Variants in FLYWCH1 observed in about 807,000 individuals in gnomAD.
FLYWCH1 encodes FLYWCH-type zinc finger 1.
In FLYWCH1, 75 loss-of-function variants were observed where a neutral mutation model predicts 66.4. The ratio of observed to expected loss-of-function variants is 1.13; its 90% CI spans 0.94 to 1.37. FLYWCH1 has a LOEUF of 1.37. Among genes scored for constraint, FLYWCH1 ranks in the 40% most tolerant of loss-of-function variants. The probability of loss-of-function intolerance (pLI) is 0.00; values close to 1 mark genes in which losing one functional copy is unlikely to be tolerated. For synonymous variants in FLYWCH1, 595 were observed against 429.9 expected, an observed-to-expected ratio of 1.38 and a Z score of -4.75; for missense variants, 1,334 against 1,001.8, an observed-to-expected ratio of 1.33 and a Z score of -4.48.
chr16:2,915,892 G>T (rs2070152713), intron 2 of FLYWCH1, among the ~76,000 whole-genome samples: 1 of 152,050 alleles, frequency 6.6e-6, no homozygotes, highest in African/African-American at 2.4e-5. Context: ...GGCAAAACTG[G>T]CCTCTTCTAC....
At chr16:2,938,114 A>T in intron 7 of FLYWCH1, 70 bp from the exon 8 acceptor site, 1 of 1,462,022 alleles carries the variant, frequency 6.8e-7, no homozygotes, top group South Asian at 1.3e-5. Context: ...GCTGGGGGAT[A>T]CAAATCAGAC....
chr16:2,933,221 C>G lies in FLYWCH1; in HGVS notation c.888C>G (p.Val296=). Residue 296 remains valine, a synonymous_variant, in exon 5 of 10, where the codon GTC becomes GTG. Coordinates refer to ENST00000253928, the MANE Select transcript of FLYWCH1 (RefSeq NM_001308068.2). ...TCCTCTACAAGCGGGAGAAGGCTGT[C>G]GGGGACAAGGTGTATTGGACCTGCC... is the stretch of plus-strand genomic sequence containing the variant. ...ESFLYKREKA[V]GDKVYWTCRD... 6.2e-7 allele frequency: 1 copy of G among 1,613,362 alleles called. No individual in the cohort carries two copies. Among genetic ancestry groups the G allele is most frequent in the Non-Finnish European group, 8.5e-7 (1 of 1,179,732 alleles).
chr16:2,935,906 G>A (rs888241327), intron 6 of FLYWCH1: 16 of 154,002 alleles, frequency 1.0e-4, no homozygotes, highest in Non-Finnish European at 1.9e-4. Flanking sequence ...CCTCCCAGAT[G>A]AGGGCGTCTT....
intron 4 of FLYWCH1, among the ~76,000 whole-genome samples, chr16:2,931,402 T>C (rs1252846246): frequency 2.0e-5 from 3 of 150,228 alleles, no homozygotes; most frequent in African/African-American, 7.4e-5. Context: ...GGCAGGAGGA[T>C]CACTTGAGCC....
chr16:2,933,690 C>A (rs759378587), intron 5 of FLYWCH1, 26 bp from the exon 6 acceptor site: 1 of 1,602,196 alleles, frequency 6.2e-7, no homozygotes, highest in African/African-American at 1.3e-5. Flanking sequence ...TGTCCCCTCC[C>A]CTGACTGCCT....
intron 2 of FLYWCH1, among the ~76,000 whole-genome samples, chr16:2,918,874 T>C (rs2070268598): frequency 6.6e-6 from 1 of 152,192 alleles, no homozygotes; most frequent in Non-Finnish European, 1.5e-5. Flanking sequence ...CCAAGTAATA[T>C]TTTGGTCTTT....
chr16:2,943,112 T>A (rs1397795120), intron 9 of FLYWCH1, among the ~76,000 whole-genome samples: 3 of 152,154 alleles, frequency 2.0e-5, no homozygotes, highest in Non-Finnish European at 2.9e-5. Context: ...GCTGAACACT[T>A]GCTTTTCTTC....
In FLYWCH1 at chr16:2,929,916, C is replaced by T; in HGVS notation, c.231C>T (p.Ala77=). The T allele has an allele frequency of 6.2e-7, 1 of 1,613,734 alleles. No homozygotes were observed. Among genetic ancestry groups the T allele is most frequent in the Non-Finnish European group, 8.5e-7 (1 of 1,179,872 alleles). ...SLEMAGPATL[A]STLQILPVEE... is the part of the protein sequence containing the mutation. ...AGATGGCTGGCCCCGCCACCCTCGC[C>T]AGCACCTTGCAGATCCTGCCAGTTG... The change falls in exon 3 of 10, where the codon GCC becomes GCT. Residue 77 remains alanine, a synonymous_variant. Transcript: ENST00000253928.
chr16:2,925,390 C>T (rs1181721542), intron 2 of FLYWCH1, among the ~76,000 whole-genome samples: 1 of 152,082 alleles, frequency 6.6e-6, no homozygotes, highest in South Asian at 2.1e-4. Flanking sequence ...CTGCCCTCAT[C>T]CTCATCCTTC....
chr16:2,931,333 C>T (rs914395849), intron 4 of FLYWCH1, among the ~76,000 whole-genome samples: 3 of 129,646 alleles, frequency 2.3e-5, no homozygotes, highest in Non-Finnish European at 5.0e-5. Context: ...AAAAAAAATA[C>T]ATAAATGTGG....
rs983696380 is a variant in FLYWCH1, at chr16:2,937,771, C to T, written c.1777+387C>T. ...ACGGGGTTCTCTCTGGCCACCCCAA[C>T]ATCATGTGACCTTTTAGTTCAGCTT... On this transcript the variant is annotated intron_variant, in intron 7 of 9. Coordinates refer to ENST00000253928, the MANE Select transcript of FLYWCH1 (RefSeq NM_001308068.2). Among the ~76,000 whole-genome samples the T allele has an allele frequency of 5.3e-5, 8 of 152,162 alleles. No individual in the cohort carries two copies. The East Asian group carries it at 9.6e-4, about 18-fold the overall frequency.
chr16:2,945,869 T>C (rs139323650), intron 9 of FLYWCH1, among the ~76,000 whole-genome samples: 4,709 of 151,838 alleles, frequency 0.031, 87 homozygotes, highest in Non-Finnish European at 0.038. Context: ...TGGTGGCAGG[T>C]GCCTGTAGTC....
intron 2 of FLYWCH1, among the ~76,000 whole-genome samples, chr16:2,920,429 C>A (rs919522896): frequency 6.6e-6 from 1 of 151,604 alleles, no homozygotes; most frequent in African/African-American, 2.4e-5. Context: ...GCCTGAGAAT[C>A]GCTTGACCCA....
intron 2 of FLYWCH1, among the ~76,000 whole-genome samples, chr16:2,925,721 A>G (rs1297272605): frequency 1.3e-5 from 2 of 151,892 alleles, no homozygotes; most frequent in East Asian, 3.9e-4. Context: ...GAAGGACGGC[A>G]TGGAGGAACA....
intron 2 of FLYWCH1, among the ~76,000 whole-genome samples, chr16:2,919,559 T>C (rs1363526458): frequency 6.6e-6 from 1 of 152,116 alleles, no homozygotes; most frequent in Admixed American, 6.5e-5. Flanking sequence ...CCACCGCGTC[T>C]GGCCTATTTT....
At chr16:2,921,874 C>T (rs1376496088) in intron 2 of FLYWCH1, among the ~76,000 whole-genome samples, 2 of 151,682 alleles carry the variant, frequency 1.3e-5, no homozygotes, top group African/African-American at 2.4e-5. Flanking sequence ...CCATCCTGGC[C>T]AATATGGTGA....
intron 9 of FLYWCH1, among the ~76,000 whole-genome samples, chr16:2,944,064 C>G (rs1181441748): frequency 2.6e-5 from 4 of 152,208 alleles, no homozygotes; most frequent in Admixed American, 6.5e-5. Flanking sequence ...CATCTACACT[C>G]CAGCCCAGCG....
At chr16:2,938,884 T>C (rs984986521) in intron 8 of FLYWCH1, among the ~76,000 whole-genome samples, 8 of 151,174 alleles carry the variant, frequency 5.3e-5, no homozygotes, top group Admixed American at 5.3e-4. Context: ...AGTGCTAGGA[T>C]TACAGGCGTG....
rs369789808 is a variant in FLYWCH1, at chr16:2,949,547, G to A, written c.*820G>A. 1 of 152,216 alleles carries A rather than the reference G, an allele frequency of 6.6e-6. No homozygotes were observed. Among genetic ancestry groups the A allele is most frequent in the African/African-American group, 2.4e-5 (1 of 41,434 alleles). 9.4% of individuals were successfully genotyped at this position (152,216 alleles called of 1,614,324 possible). ...CTGTCAGACAGCTTCACAGAGTGTG[G>A]CTTCACCAGTCAGAGGGAGCAGTCC... On this transcript the variant is annotated 3_prime_UTR_variant, in exon 10 of 10. Transcript: ENST00000253928.
Sources: allele counts gnomAD v4.1 joint callset (sites outside exome capture counted in the v4.1 genomes callset), GRCh38; gene constraint gnomAD v4.1.1; transcripts MANE v1.5; gene names NCBI Gene and HGNC (gene_info 2026-07-23, HGNC 2026-07-21).